Variants in PEMT observed in about 807,000 individuals in gnomAD.
The protein encoded by PEMT is phospholipid methyltransferase.
PEMT carries 23 observed loss-of-function variants against 27.4 expected under a neutral mutation model. The ratio of observed to expected loss-of-function variants is 0.84; its 90% CI spans 0.60 to 1.19. The LOEUF (loss-of-function observed/expected upper bound fraction) is 1.19. Ranked by LOEUF, PEMT falls within the 50% of genes most tolerant of loss-of-function variation. The pLI, the probability that PEMT is intolerant of heterozygous loss-of-function variation, is 0.00. For synonymous variants in PEMT, 137 were observed against 139.1 expected (o/e 0.98, Z 0.11); for missense variants, 307 against 310.1 (o/e 0.99, Z 0.07).
chr17:17,506,182 G>C, intron 6 of PEMT, 45 bp downstream of exon 6: 1 of 1,421,244 alleles, frequency 7.0e-7, no homozygotes, highest in Non-Finnish European at 9.7e-7. Context: ...GAGAGACAGG[G>C]CCAGTCGGGC....
At chr17:17,576,837 A>G in intron 2 of PEMT, 83 bp downstream of exon 2, 1 of 1,130,318 alleles carries the variant, frequency 8.8e-7, no homozygotes, top group Non-Finnish European at 1.3e-6. Flanking sequence ...GCCAGCCAGC[A>G]GCAACCACCG....
At chr17:17,591,343 A>ACAGG (rs1912575774) in intron 1 of PEMT, 188 bp downstream of exon 1, 2 of 567,808 alleles carry the variant, frequency 3.5e-6, no homozygotes, top group Non-Finnish European at 6.2e-6. Flanking sequence ...ACGCGCGCGC[A>ACAGG]CACGCACACA....
chr17:17,550,830 A>G (rs1909610031), intron 2 of PEMT, among the ~76,000 whole-genome samples: 1 of 152,166 alleles, frequency 6.6e-6, no homozygotes, highest in Admixed American at 6.5e-5. Context: ...CATCTCGGAG[A>G]TGTGAAAGAA....
chr17:17,530,143 C>T (rs1907985521), intron 2 of PEMT, among the ~76,000 whole-genome samples: 1 of 152,140 alleles, frequency 6.6e-6, no homozygotes, highest in Admixed American at 6.6e-5. Flanking sequence ...GGAGACATGC[C>T]AGACATTTAC....
intron 3 of PEMT, among the ~76,000 whole-genome samples, chr17:17,516,119 G>A (rs972767892): frequency 1.1e-4 from 16 of 151,944 alleles, no homozygotes; most frequent in South Asian, 4.2e-4. Flanking sequence ...GGGTGTCTCC[G>A]CAACGTCGTC....
At chr17:17,545,425 G>C (rs1465763988) in intron 2 of PEMT, among the ~76,000 whole-genome samples, 1 of 152,196 alleles carries the variant, frequency 6.6e-6, no homozygotes, top group Admixed American at 6.5e-5. Flanking sequence ...CATTACAGGT[G>C]CTGTCAGGCC....
intron 1 of PEMT, among the ~76,000 whole-genome samples, chr17:17,584,297 C>A (rs1193888130): frequency 6.6e-6 from 1 of 152,124 alleles, no homozygotes; most frequent in African/African-American, 2.4e-5. Flanking sequence ...GTAGCTGGGA[C>A]TACAGGCGCC....
At chr17:17,575,040 C>A (rs1048626551) in intron 2 of PEMT, among the ~76,000 whole-genome samples, 7 of 152,218 alleles carry the variant, frequency 4.6e-5, no homozygotes, top group Admixed American at 4.6e-4. Flanking sequence ...CAAATGACTG[C>A]CAACTTAGGG....
intron 2 of PEMT, among the ~76,000 whole-genome samples, chr17:17,538,798 G>A (rs1209623506): frequency 2.0e-5 from 3 of 152,168 alleles, no homozygotes; most frequent in Non-Finnish European, 4.4e-5. Flanking sequence ...AGCGTGATCC[G>A]CCTTCTTGGG....
At position 17,586,216 on chromosome 17, in the gene PEMT, A is replaced by AAGAAAGAAAGAAAG. The variant is rs1390670770; in HGVS notation, c.96+5314_96+5315insCTTTCTTTCTTTCT. Reference sequence around the variant, plus strand: ...AAGGAAGGAAAGAAAGAAAGAAAGAAAAAGAAAGAAAGAAAGAAAGAAAGA... The same window carrying AAGAAAGAAAGAAAG: ...AAGGAAGGAAAGAAAGAAAGAAAGAAAGAAAGAAAGAAAGAAAGAAAGAAAGAAAGAAAGAAAGA... On this transcript the variant is annotated intron_variant, in intron 1 of 6. Transcript: ENST00000255389. Among the ~76,000 whole-genome samples the AAGAAAGAAAGAAAG allele has an allele frequency of 5.0e-5, 4 of 79,310 alleles. No individual in the cohort carries two copies. The East Asian group carries it at 1.1e-3, about 22-fold the overall frequency. The allele number at this position is 79,310 out of a possible 152,430, so 52.0% of individuals were successfully genotyped here.
intron 1 of PEMT, among the ~76,000 whole-genome samples, chr17:17,583,982 T>G: frequency 6.6e-6 from 1 of 152,196 alleles, no homozygotes; most frequent in East Asian, 1.9e-4. Flanking sequence ...TCATTCATTC[T>G]TCAATTAACA....
At chr17:17,550,916 C>A (rs1909615014) in intron 2 of PEMT, among the ~76,000 whole-genome samples, 1 of 152,342 alleles carries the variant, frequency 6.6e-6, no homozygotes, top group Non-Finnish European at 1.5e-5. Flanking sequence ...AGAAGGGAAT[C>A]AACTTTTTAT....
intron 2 of PEMT, among the ~76,000 whole-genome samples, chr17:17,566,163 G>T (rs1323734450): frequency 6.6e-6 from 1 of 152,220 alleles, no homozygotes; most frequent in Non-Finnish European, 1.5e-5. Context: ...CAGGAATGGG[G>T]TAAAGCAAAT....
chr17:17,558,675 G>T (rs1001457490), intron 2 of PEMT, among the ~76,000 whole-genome samples: 1 of 119,530 alleles, frequency 8.4e-6, no homozygotes, highest in Non-Finnish European at 1.7e-5. Flanking sequence ...GTGAGAACCA[G>T]TCTCACGAAA....
intron 2 of PEMT, among the ~76,000 whole-genome samples, chr17:17,563,786 C>T (rs915866000): frequency 6.6e-5 from 10 of 152,182 alleles, no homozygotes; most frequent in Non-Finnish European, 1.5e-5. Context: ...TCTAAGAACG[C>T]ACATGGCCAG....
intron 2 of PEMT, among the ~76,000 whole-genome samples, chr17:17,555,099 G>C (rs192577847): frequency 6.6e-6 from 1 of 152,076 alleles, no homozygotes; most frequent in South Asian, 2.1e-4. Context: ...GGATTCTCAC[G>C]ATGATCCTAC....
At chr17:17,539,832 C>A (rs1908755592) in intron 2 of PEMT, among the ~76,000 whole-genome samples, 1 of 152,184 alleles carries the variant, frequency 6.6e-6, no homozygotes, top group African/African-American at 2.4e-5. Context: ...CTGTCTGCCG[C>A]AGCCCCTGTG....
chr17:17,522,788 C>A (rs1907375089), intron 2 of PEMT, among the ~76,000 whole-genome samples: 3 of 152,136 alleles, frequency 2.0e-5, no homozygotes. Context: ...TAAAAGGGCC[C>A]CAGCAGAACT....
intron 2 of PEMT, among the ~76,000 whole-genome samples, chr17:17,567,451 C>T (rs1185338712): frequency 6.6e-6 from 1 of 152,250 alleles, no homozygotes; most frequent in Non-Finnish European, 1.5e-5. Context: ...AGGCAGTGCC[C>T]CAGGGGCAGC....
Sources: gnomAD v4.1 joint callset for allele counts (sites outside exome capture counted in the v4.1 genomes callset) on GRCh38, gnomAD v4.1.1 for gene constraint, MANE v1.5 for transcripts, NCBI Gene and HGNC (gene_info 2026-07-23, HGNC 2026-07-21) for gene names.